SMPX: variants seen among roughly 807,000 people sequenced by gnomAD.
SMPX encodes the protein small muscle protein X-linked.
SMPX carries 2 observed loss-of-function variants against 6.3 expected under a neutral mutation model. That is an observed-to-expected ratio of 0.32 (90% CI 0.13 to 0.99). SMPX has a LOEUF of 0.99. Among genes scored for constraint, SMPX ranks in the 50% least tolerant of loss-of-function variants. The probability of loss-of-function intolerance (pLI) is 0.49; values close to 1 mark genes in which losing one functional copy is unlikely to be tolerated. For missense variants in SMPX, 60 were observed against 66.8 expected (o/e 0.90, Z 0.36); for synonymous variants, 32 against 24.7 (o/e 1.30, Z -0.88).
At chrX:21,743,443 T>A (rs202018361) in intron 3 of SMPX, among the ~76,000 whole-genome samples, 32 of 78,617 alleles carry the variant, frequency 4.1e-4, no homozygotes, top group African/African-American at 9.3e-4. Flanking sequence ...ATACACACAA[T>A]CAATCAATCA....
chrX:21,715,686 A>T (rs1313040593), intron 4 of SMPX, among the ~76,000 whole-genome samples: 1 of 111,020 alleles, frequency 9.0e-6, no homozygotes, highest in Non-Finnish European at 1.9e-5. Context: ...TTGAAAATGA[A>T]GTTTCTAAAC....
intron 4 of SMPX, among the ~76,000 whole-genome samples, chrX:21,728,978 T>G (rs1184303855): frequency 8.9e-6 from 1 of 112,448 alleles, no homozygotes; most frequent in East Asian, 2.8e-4. Context: ...TGGTGACTAC[T>G]AATGCTTAAT....
At chrX:21,724,644 A>G (rs927029241) in intron 4 of SMPX, among the ~76,000 whole-genome samples, 2 of 112,175 alleles carry the variant, frequency 1.8e-5, no homozygotes, top group Non-Finnish European at 3.8e-5. Flanking sequence ...TGCAGACTAC[A>G]TGGTGATCCT....
intron 4 of SMPX, among the ~76,000 whole-genome samples, chrX:21,728,700 A>C: frequency 8.9e-6 from 1 of 112,526 alleles, no homozygotes; most frequent in African/African-American, 3.2e-5. Context: ...GATTAAAAGG[A>C]CTGGCTGTTT....
At chrX:21,711,659 G>C (rs1359517609) in intron 4 of SMPX, among the ~76,000 whole-genome samples, 1 of 111,894 alleles carries the variant, frequency 8.9e-6, no homozygotes, top group African/African-American at 3.3e-5. Context: ...GTAACTCATA[G>C]TTGCCGTGGC....
chrX:21,747,252 CTG>C (rs2092822571), intron 2 of SMPX, among the ~76,000 whole-genome samples: 1 of 110,699 alleles, frequency 9.0e-6, no homozygotes, highest in Non-Finnish European at 1.9e-5. Context: ...TTTTCCCTCC[CTG>C]AGGTTTATTC....
intron 4 of SMPX, among the ~76,000 whole-genome samples, chrX:21,708,166 C>T (rs944067991): frequency 1.3e-4 from 15 of 112,498 alleles, no homozygotes; most frequent in African/African-American, 4.2e-4. Context: ...TTTGTATTGC[C>T]AATGGCTGGA....
At chrX:21,714,629 T>A (rs1477768816) in intron 4 of SMPX, among the ~76,000 whole-genome samples, 1 of 112,296 alleles carries the variant, frequency 8.9e-6, no homozygotes, top group Non-Finnish European at 1.9e-5. Context: ...GCTGTGTGCC[T>A]GCTATACAGA....
intron 4 of SMPX, among the ~76,000 whole-genome samples, chrX:21,711,342 C>T (rs1006201123): frequency 2.7e-5 from 3 of 111,900 alleles, no homozygotes; most frequent in Non-Finnish European, 5.6e-5. Flanking sequence ...TCCAGGGCCA[C>T]GCTGCTTTGC....
chrX:21,744,493 G>A (rs1161319164), intron 2 of SMPX, among the ~76,000 whole-genome samples: 3 of 111,839 alleles, frequency 2.7e-5, no homozygotes, highest in African/African-American at 9.8e-5. Context: ...TCCATCAGTG[G>A]TAAACATAAA....
At chrX:21,723,430 A>G (rs761451804) in intron 4 of SMPX, among the ~76,000 whole-genome samples, 1 of 112,108 alleles carries the variant, frequency 8.9e-6, no homozygotes, top group African/African-American at 3.2e-5. Flanking sequence ...TGGCTTCTCA[A>G]ATTGGCAGGT....
chrX:21,733,420 G>C (rs1417836671), intron 4 of SMPX, among the ~76,000 whole-genome samples: 1 of 112,247 alleles, frequency 8.9e-6, no homozygotes, highest in Non-Finnish European at 1.9e-5. Context: ...AACCTACTAA[G>C]TGAGCTATCA....
chrX:21,738,910 A>G (rs1368586189), intron 3 of SMPX, among the ~76,000 whole-genome samples: 2 of 110,757 alleles, frequency 1.8e-5, no homozygotes, highest in Non-Finnish European at 3.8e-5. Context: ...ATTTTTCCTT[A>G]CAAGTGTTTT....
At chrX:21,712,565 G>A (rs1022750816) in intron 4 of SMPX, among the ~76,000 whole-genome samples, 1 of 110,096 alleles carries the variant, frequency 9.1e-6, no homozygotes, top group Non-Finnish European at 1.9e-5. Context: ...GGGGAAAGGG[G>A]CATCATCAAA....
At chrX:21,731,529 T>C (rs1602105196) in intron 4 of SMPX, among the ~76,000 whole-genome samples, 5 of 87,039 alleles carry the variant, frequency 5.7e-5, no homozygotes, top group African/African-American at 1.6e-4. Context: ...TGTGTACACA[T>C]ACACATTATG....
intron 4 of SMPX, among the ~76,000 whole-genome samples, chrX:21,731,623 C>T (rs1266000793): frequency 1.1e-5 from 1 of 94,829 alleles, no homozygotes; most frequent in African/African-American, 3.8e-5. Context: ...TATATGTACA[C>T]ATTTGTGTAT....
intron 4 of SMPX, among the ~76,000 whole-genome samples, chrX:21,722,896 T>C (rs1205999576): frequency 6.3e-5 from 7 of 111,862 alleles, no homozygotes; most frequent in Non-Finnish European, 7.5e-5. Context: ...TCTCACAAGG[T>C]AAAGGGCTTG....
At chrX:21,714,002 T>G (rs928223993) in intron 4 of SMPX, among the ~76,000 whole-genome samples, 1 of 112,378 alleles carries the variant, frequency 8.9e-6, no homozygotes, top group Non-Finnish European at 1.9e-5. Context: ...ACCATGTATA[T>G]ATCCATGTAA....
chrX:21,728,940 A>G (rs2092800431), intron 4 of SMPX, among the ~76,000 whole-genome samples: 1 of 112,646 alleles, frequency 8.9e-6, no homozygotes, highest in Non-Finnish European at 1.9e-5. Flanking sequence ...CATGATGACA[A>G]TAAAAATGAT....
Sources: gnomAD v4.1 joint callset for allele counts (sites outside exome capture counted in the v4.1 genomes callset) on GRCh38, gnomAD v4.1.1 for gene constraint, MANE v1.5 for transcripts, NCBI Gene and HGNC (gene_info 2026-07-23, HGNC 2026-07-21) for gene names.